The following TEX10 variants were observed in gnomAD, a reference collection of about 807,000 sequenced individuals.
TEX10 encodes the protein testis-expressed protein 10.
In TEX10, 24 loss-of-function variants were observed where a neutral mutation model predicts 104.4. That is an observed-to-expected ratio of 0.23 (90% confidence interval 0.17 to 0.32). TEX10 has a LOEUF of 0.32. TEX10 is among the 10% of genes least tolerant of loss of function. The probability of loss-of-function intolerance (pLI) is 1.00; values close to 1 mark genes in which losing one functional copy is unlikely to be tolerated. For synonymous variants in TEX10, 396 were observed against 393.4 expected (o/e 1.01, Z -0.08); for missense variants, 921 against 1,083.9 (o/e 0.85, Z 2.11).
Position 100,347,292 on chromosome 9 carries a change from T to G in TEX10, c.295A>C (p.Ile99Leu). The G allele has an allele frequency of 6.2e-7, 1 of 1,614,176 alleles. No homozygotes were observed. Reference sequence around the variant, plus strand: ...AACACAGCAGTCACTTCACTTAATATGTTTGAAAGGTGTGCATCAATTATA... The same window carrying G: ...AACACAGCAGTCACTTCACTTAATAGGTTTGAAAGGTGTGCATCAATTATA... ...PFIIDAHLSN[I>L]LSEVTAVFTD... Residue 99 changes from isoleucine (I) to leucine (L), a missense_variant, in exon 3 of 15, where the codon ATA (isoleucine) becomes CTA (leucine). Physicochemically the swap from Ile to Leu is conservative, Grantham distance 5. Around this residue, in one of 3 missense-constraint regions of TEX10, gnomAD observed 118 missense variants for 111.3 expected, o/e 1.06. Coordinates refer to ENST00000374902, the MANE Select transcript of TEX10 (RefSeq NM_017746.4).
intron 1 of TEX10, 86 bp from the exon 2 acceptor site, chr9:100,349,458 A>G: frequency 1.3e-6 from 1 of 757,232 alleles, no homozygotes; most frequent in South Asian, 3.3e-5. Context: ...ATACTACTGT[A>G]ACATTTATTT....
chr9:100,303,577 T>G, intron 14 of TEX10, 55 bp downstream of exon 14: 1 of 1,583,400 alleles, frequency 6.3e-7, no homozygotes. Flanking sequence ...CATGCCCCCG[T>G]CATAAATTCA....
intron 4 of TEX10, among the ~76,000 whole-genome samples, chr9:100,340,587 CA>C (rs1835148819): frequency 6.6e-6 from 1 of 152,162 alleles, no homozygotes; most frequent in African/African-American, 2.4e-5. Flanking sequence ...TATTTACTTG[CA>C]TTCTGTCTGC....
chr9:100,330,105 C>T lies in TEX10; in HGVS notation c.1315G>A (p.Asp439Asn). The change falls in exon 6 of 15, where the codon GAT becomes AAT. Residue 439 changes from aspartate to asparagine, a missense_variant. By Grantham distance (23) the Asp-to-Asn change is conservative. Coordinates refer to ENST00000374902, the MANE Select transcript of TEX10 (RefSeq NM_017746.4). ...DHLLLNLTLS[D>N]IMVSLANAST... Reference sequence around the variant, plus strand: ...GCATTTGCCAGGGAGACCATGATATCAGACAGTGTTAAATTCAGTAAGAGA... The same window carrying T: ...GCATTTGCCAGGGAGACCATGATATTAGACAGTGTTAAATTCAGTAAGAGA... 1 of 1,614,084 alleles carries T rather than the reference C, an allele frequency of 6.2e-7. No individual in the cohort carries two copies. The highest frequency in any genetic ancestry group is 8.5e-7 in the Non-Finnish European group (1 of 1,179,984).
At chr9:100,316,450 T>G (rs993304684) in intron 11 of TEX10, among the ~76,000 whole-genome samples, 1 of 152,148 alleles carries the variant, frequency 6.6e-6, no homozygotes, top group African/African-American at 2.4e-5. Context: ...TTGGAAAGAT[T>G]TCTTGTAAGA....
chr9:100,307,334 T>C (rs1834166276), intron 13 of TEX10: 2 of 152,228 alleles, frequency 1.3e-5, no homozygotes. Context: ...CTATTGATGC[T>C]TTCACACTAC....
At chr9:100,348,477 C>T (rs1278031169) in intron 2 of TEX10, among the ~76,000 whole-genome samples, 2 of 152,198 alleles carry the variant, frequency 1.3e-5, no homozygotes, top group African/African-American at 4.8e-5. Context: ...CTTCAATTGA[C>T]TTCAAGTATT....
chr9:100,331,764 G>A (rs1006122255), intron 5 of TEX10, among the ~76,000 whole-genome samples: 1 of 152,184 alleles, frequency 6.6e-6, no homozygotes, highest in African/African-American at 2.4e-5. Flanking sequence ...ATACGAAAAG[G>A]ACAATGAGTT....
At chr9:100,327,533 T>C (rs1279772899) in intron 8 of TEX10, among the ~76,000 whole-genome samples, 1 of 151,996 alleles carries the variant, frequency 6.6e-6, no homozygotes, top group Non-Finnish European at 1.5e-5. Flanking sequence ...CAGATTAGTT[T>C]TGAATTTATG....
chr9:100,310,284 T>C lies in TEX10; in HGVS notation c.2283+15A>G. 1.2e-6 allele frequency: 2 copies of C among 1,611,734 alleles called. No individual in the cohort carries two copies. Among genetic ancestry groups the C allele is most frequent in the Non-Finnish European group, 1.7e-6 (2 of 1,178,194 alleles). On this transcript the variant is annotated intron_variant, in intron 12 of 14. Coordinates refer to ENST00000374902, the MANE Select transcript of TEX10 (RefSeq NM_017746.4). ...CTGTGTTCATTCTTAAGAGAAAAAGTTTAAGGATACTTACCAAATGCTTAC... is the reference window on the plus strand; with the variant it reads ...CTGTGTTCATTCTTAAGAGAAAAAGCTTAAGGATACTTACCAAATGCTTAC...
At chr9:100,350,819 C>T (rs1171755617) in intron 1 of TEX10, among the ~76,000 whole-genome samples, 1 of 152,148 alleles carries the variant, frequency 6.6e-6, no homozygotes, top group Non-Finnish European at 1.5e-5. Context: ...TACTTAATTA[C>T]AGGGTTATAT....
chr9:100,308,631 A>G lies in TEX10; in HGVS notation c.2334T>C (p.Val778=). ...AAGTATGATCCAGGAGCTTACAGATAACACCAAAAACACAGCCAGCCGTGC... is the reference window on the plus strand; with the variant it reads ...AAGTATGATCCAGGAGCTTACAGATGACACCAAAAACACAGCCAGCCGTGC... ...PDSTAGCVFG[V]ICKLLDHTCV... The change falls in exon 13 of 15, where the codon GTT becomes GTC. Residue 778 remains valine, a synonymous_variant. Transcript: ENST00000374902. 6.2e-7 allele frequency: 1 copy of G among 1,610,086 alleles called. No individual in the cohort carries two copies. Among genetic ancestry groups the G allele is most frequent in the African/African-American group, 1.3e-5 (1 of 74,894 alleles).
chr9:100,334,216 T>C (rs767462773), intron 5 of TEX10, among the ~76,000 whole-genome samples: 30 of 151,658 alleles, frequency 2.0e-4, no homozygotes, highest in Non-Finnish European at 3.8e-4. Flanking sequence ...GATACATCAC[T>C]GTGAAATTGC....
intron 11 of TEX10, among the ~76,000 whole-genome samples, chr9:100,310,753 T>C (rs1209661751): frequency 6.6e-6 from 1 of 152,216 alleles, no homozygotes; most frequent in Non-Finnish European, 1.5e-5. Context: ...ATTCTTTTAA[T>C]ACCTACTTGC....
At position 100,334,665 on chromosome 9, in the gene TEX10, C is replaced by CTTT. The variant is rs11463306; in HGVS notation, c.1251-4499_1251-4497dup. Among the ~76,000 whole-genome samples the CTTT allele has an allele frequency of 9.8e-5, 14 of 142,868 alleles. No individual in the cohort carries two copies. In the East Asian group the frequency reaches 2.5e-3, roughly 25 times the overall value. 93.7% of individuals were successfully genotyped at this position (142,868 alleles called of 152,430 possible). A position where few individuals can be genotyped will look rare whatever the true frequency, so the allele number is the denominator to read the frequency against. On this transcript the variant is annotated intron_variant, in intron 5 of 14. Coordinates refer to ENST00000374902, the MANE Select transcript of TEX10 (RefSeq NM_017746.4). ...CTGGAACTGATAGGCTCATTTTGTT[C>CTTT]TTTTTTTTTTTTTTCCTGAGACAGA... is the stretch of plus-strand genomic sequence containing the variant.
chr9:100,312,351 G>C (rs1255799590), intron 11 of TEX10, among the ~76,000 whole-genome samples: 1 of 152,206 alleles, frequency 6.6e-6, no homozygotes, highest in Non-Finnish European at 1.5e-5. Context: ...CAAATGGAGT[G>C]AGATGAGAGG....
At chr9:100,341,024 T>C (rs1233940765) in intron 4 of TEX10, among the ~76,000 whole-genome samples, 2 of 152,106 alleles carry the variant, frequency 1.3e-5, no homozygotes, top group Non-Finnish European at 2.9e-5. Context: ...CGGAGTACAG[T>C]GGCACTATCT....
rs1835293387 is a variant in TEX10, at chr9:100,346,118, GAAATA to G, written c.1086_1090del (p.Ile363ProfsTer7). On this transcript the variant is annotated frameshift_variant, in exon 4 of 15. Transcript: ENST00000374902. LOFTEE classifies it high-confidence loss of function. Reference sequence around the variant, plus strand: ...TTGTTTAGAGAGTTTCCACAGAAGGGAAATAATATTAAGAACTTGCTGCATAACCT... The same window carrying G: ...TTGTTTAGAGAGTTTCCACAGAAGGGATATTAAGAACTTGCTGCATAACCT... The G allele has an allele frequency of 6.2e-7, 1 of 1,613,822 alleles. No homozygotes were observed. The highest frequency in any genetic ancestry group is 1.7e-5 in the Admixed American group (1 of 59,986).
At chr9:100,334,561 T>C (rs1345362812) in intron 5 of TEX10, among the ~76,000 whole-genome samples, 1 of 152,070 alleles carries the variant, frequency 6.6e-6, no homozygotes, top group African/African-American at 2.4e-5. Context: ...TTCACAGTGG[T>C]AGACAGAAGT....
Sources: gnomAD v4.1 joint callset for allele counts (sites outside exome capture counted in the v4.1 genomes callset) on GRCh38, gnomAD v4.1.1 for gene constraint, gnomAD v4.1.1 regional missense constraint, MANE v1.5 for transcripts, NCBI Gene and HGNC (gene_info 2026-07-23, HGNC 2026-07-21) for gene names.